Variants in PPP2R3A observed in about 807,000 individuals in gnomAD.
PPP2R3A encodes protein phosphatase 2 regulatory subunit B''alpha, also known as serine/threonine-protein phosphatase 2A regulatory subunit B'' subunit alpha.
Under a neutral mutation model 106.9 loss-of-function variants are expected in PPP2R3A, and 80 were observed. The observed-to-expected ratio is 0.75, with a 90% CI of 0.62 to 0.90. The LOEUF is 0.90. Among genes scored for constraint, PPP2R3A ranks in the 40% least tolerant of loss-of-function variants. The pLI, the probability that PPP2R3A is intolerant of heterozygous loss-of-function variation, is 0.00. For missense variants in PPP2R3A, 1,386 were observed against 1,350.4 expected (o/e 1.03, Z -0.41); for synonymous variants, 483 against 468.3 (o/e 1.03, Z -0.41).
chr3:135,966,870 T>C (rs1937104924), intron 1 of PPP2R3A, among the ~76,000 whole-genome samples: 1 of 152,174 alleles, frequency 6.6e-6, no homozygotes, highest in Non-Finnish European at 1.5e-5. Flanking sequence ...TTCTTTGTTC[T>C]TCCTTAGTCT....
intron 1 of PPP2R3A, among the ~76,000 whole-genome samples, chr3:135,994,955 C>T (rs920574557): frequency 6.6e-6 from 1 of 152,178 alleles, no homozygotes; most frequent in Admixed American, 6.5e-5. Context: ...TTAGGAACTG[C>T]CATATAGCAG....
chr3:136,142,028 A>T (rs1056941327), intron 13 of PPP2R3A, among the ~76,000 whole-genome samples: 1 of 152,196 alleles, frequency 6.6e-6, no homozygotes, highest in African/African-American at 2.4e-5. Context: ...CCATCTATAT[A>T]GTAGGCAGCT....
At chr3:136,139,076 C>T (rs1289452385) in intron 13 of PPP2R3A, among the ~76,000 whole-genome samples, 4 of 151,998 alleles carry the variant, frequency 2.6e-5, no homozygotes, top group African/African-American at 9.7e-5. Flanking sequence ...CCCAGATAAT[C>T]CCTGAATCAA....
chr3:136,040,978 GTC>G lies in PPP2R3A; in HGVS notation c.2366+22_2366+23del, dbSNP rs1370672113. 3.1e-6 allele frequency: 5 copies of G among 1,604,798 alleles called. No individual in the cohort carries two copies. Among genetic ancestry groups the G allele is most frequent in the Non-Finnish European group, 2.6e-6 (3 of 1,173,416 alleles). On this transcript the variant is annotated intron_variant, in intron 4 of 13. Coordinates refer to ENST00000264977, the MANE Select transcript of PPP2R3A (RefSeq NM_002718.5). ...TGTGGAGAAAGTAAGTATGTGAGCA[GTC>G]TCTCTGGAGCTAGGCAAAGAATTGT...
chr3:136,091,596 A>G (rs911803312), intron 10 of PPP2R3A, among the ~76,000 whole-genome samples: 3 of 152,206 alleles, frequency 2.0e-5, no homozygotes, highest in Admixed American at 2.0e-4. Context: ...CATCCTGGGT[A>G]TAGTGAGCAG....
intron 1 of PPP2R3A, among the ~76,000 whole-genome samples, chr3:135,995,256 A>G (rs1933339038): frequency 6.6e-6 from 1 of 152,150 alleles, no homozygotes; most frequent in Non-Finnish European, 1.5e-5. Flanking sequence ...AGTCTGTTGT[A>G]TTAGGGGTAT....
Position 136,145,070 on chromosome 3 carries a change from T to TGCC in PPP2R3A, c.3358_3360dup (p.Ala1120dup). The TGCC allele has an allele frequency of 6.2e-7, 1 of 1,613,006 alleles. No homozygotes were observed. The highest frequency in any genetic ancestry group is 8.5e-7 in the Non-Finnish European group (1 of 1,179,538). On this transcript the variant is annotated inframe_insertion, in exon 14 of 14. Transcript: ENST00000264977. ...TTGAAGATTATGAAACAGATGAACC[T>TGCC]GCCTCTCCCTCTGAATTTGGAAACA...
At chr3:135,996,110 T>C (rs1352534261) in intron 1 of PPP2R3A, among the ~76,000 whole-genome samples, 2 of 152,210 alleles carry the variant, frequency 1.3e-5, no homozygotes, top group Non-Finnish European at 2.9e-5. Flanking sequence ...ATAGGGATTT[T>C]AAGATGCTAC....
intron 1 of PPP2R3A, among the ~76,000 whole-genome samples, chr3:135,973,834 G>A (rs1937317761): frequency 6.6e-6 from 1 of 152,160 alleles, no homozygotes; most frequent in African/African-American, 2.4e-5. Context: ...CGGAGATATA[G>A]TGCCTTTTAA....
chr3:136,011,677 A>C (rs1276050264), intron 2 of PPP2R3A, among the ~76,000 whole-genome samples: 1 of 152,196 alleles, frequency 6.6e-6, no homozygotes, highest in Non-Finnish European at 1.5e-5. Context: ...GCAGTCCTTC[A>C]TAAGAACTGG....
intron 3 of PPP2R3A, among the ~76,000 whole-genome samples, chr3:136,032,954 A>C (rs1191106597): frequency 6.6e-6 from 1 of 152,142 alleles, no homozygotes; most frequent in Non-Finnish European, 1.5e-5. Context: ...GTCTTGTTCC[A>C]GTTCTCAGAG....
chr3:136,136,499 T>G (rs1312477466), intron 13 of PPP2R3A, among the ~76,000 whole-genome samples: 2 of 152,102 alleles, frequency 1.3e-5, no homozygotes, highest in African/African-American at 4.8e-5. Context: ...AATTAAGAGA[T>G]AATGTATATA....
At chr3:136,134,955 G>A (rs1938549191) in intron 13 of PPP2R3A, among the ~76,000 whole-genome samples, 1 of 151,824 alleles carries the variant, frequency 6.6e-6, no homozygotes, top group Admixed American at 6.6e-5. Context: ...CTGCTTTAAA[G>A]GAAGAAGAAA....
chr3:136,015,568 T>C (rs1934239935), intron 2 of PPP2R3A, among the ~76,000 whole-genome samples: 1 of 152,130 alleles, frequency 6.6e-6, no homozygotes, highest in Admixed American at 6.5e-5. Context: ...CAGGAATTTA[T>C]CCATCTCTTC....
intron 1 of PPP2R3A, among the ~76,000 whole-genome samples, chr3:135,984,019 T>C (rs1428411633): frequency 6.6e-6 from 1 of 152,172 alleles, no homozygotes; most frequent in Non-Finnish European, 1.5e-5. Flanking sequence ...AAAACAAAAT[T>C]GGAGTTTAAC....
intron 3 of PPP2R3A, among the ~76,000 whole-genome samples, chr3:136,034,753 A>T (rs1459388458): frequency 2.0e-5 from 3 of 152,148 alleles, no homozygotes; most frequent in Admixed American, 6.5e-5. Context: ...GTTCCAGGGT[A>T]TAGTTTAAAT....
chr3:136,002,788 A>G lies in PPP2R3A; in HGVS notation c.1290A>G (p.Gly430=), dbSNP rs1422422956. Residue 430 remains glycine (G), a synonymous_variant, in exon 2 of 14, where the codon GGA becomes GGG. Coordinates refer to ENST00000264977, the MANE Select transcript of PPP2R3A (RefSeq NM_002718.5). The part of the protein sequence containing the change: ...ESDGKKALDK[G]QKTENGPSHE... ...ATGGAAAGAAAGCATTAGATAAAGGACAAAAGACAGAGAATGGACCTAGTC... is the reference window on the plus strand; with the variant it reads ...ATGGAAAGAAAGCATTAGATAAAGGGCAAAAGACAGAGAATGGACCTAGTC... 1 of 1,613,714 alleles carries G rather than the reference A, an allele frequency of 6.2e-7. No individual in the cohort carries two copies. The highest frequency in any genetic ancestry group is 8.5e-7 in the Non-Finnish European group (1 of 1,179,742).
intron 5 of PPP2R3A, among the ~76,000 whole-genome samples, chr3:136,058,719 A>G (rs1345945852): frequency 6.6e-6 from 1 of 152,212 alleles, no homozygotes; most frequent in Non-Finnish European, 1.5e-5. Flanking sequence ...AGCAAAAAGA[A>G]CAAAGCTGAA....
At chr3:136,021,956 A>G (rs4493374) in intron 2 of PPP2R3A, among the ~76,000 whole-genome samples, 9,697 of 152,194 alleles carry the variant, frequency 0.064, 444 homozygotes, top group South Asian at 0.1. Flanking sequence ...TACACATTTT[A>G]TGTAAGAGAC....
Sources: gnomAD v4.1 joint callset for allele counts (sites outside exome capture counted in the v4.1 genomes callset) on GRCh38, gnomAD v4.1.1 for gene constraint, MANE v1.5 for transcripts, NCBI Gene and HGNC (gene_info 2026-07-23, HGNC 2026-07-21) for gene names.